RIN2: variants seen among roughly 807,000 people sequenced by gnomAD.
The protein encoded by RIN2 is RAB5 interacting protein 2.
Under a neutral mutation model 78.0 loss-of-function variants are expected in RIN2, and 36 were observed. The ratio of observed to expected loss-of-function variants is 0.46; its 90% CI spans 0.35 to 0.61. The LOEUF (loss-of-function observed/expected upper bound fraction) is 0.61, where lower values mean the gene tolerates loss of function less well. RIN2 is among the 20% of genes least tolerant of loss of function. RIN2 has a pLI of 0.00. For synonymous variants in RIN2, 466 were observed against 466.8 expected (o/e 1.00, Z 0.02); for missense variants, 1,087 against 1,159.7 (o/e 0.94, Z 0.91).
intron 1 of RIN2, among the ~76,000 whole-genome samples, chr20:19,788,439 A>AAAAAAAAAAAC (rs980089934): frequency 0.083 from 10,987 of 132,748 alleles, 604 homozygotes; most frequent in South Asian, 0.15. Context: ...TGCCAAAAAA[A>AAAAAAAAAAAC]AAAAAAAAAA....
intron 2 of RIN2, among the ~76,000 whole-genome samples, chr20:19,813,050 C>A (rs867187358): frequency 6.6e-6 from 1 of 152,176 alleles, no homozygotes; most frequent in Non-Finnish European, 1.5e-5. Context: ...ATTCACCACC[C>A]CTGCAGGAAG....
chr20:19,934,723 G>A (rs1220183959), intron 3 of RIN2: 2 of 554,806 alleles, frequency 3.6e-6, no homozygotes, highest in Admixed American at 6.4e-5. Context: ...GGTTTCCCTT[G>A]CCAAATGAAT....
intron 3 of RIN2, among the ~76,000 whole-genome samples, chr20:19,906,393 G>A (rs1047830560): frequency 6.6e-6 from 1 of 152,198 alleles, no homozygotes; most frequent in Non-Finnish European, 1.5e-5. Flanking sequence ...AGGCTGTAGT[G>A]AGCTATAATC....
intron 4 of RIN2, among the ~76,000 whole-genome samples, chr20:19,954,433 G>T (rs1168632108): frequency 6.6e-6 from 1 of 152,138 alleles, no homozygotes; most frequent in Non-Finnish European, 1.5e-5. Context: ...CCTGCTCCTT[G>T]AGAGCCAGGT....
At chr20:19,855,864 A>G (rs975464586) in intron 2 of RIN2, among the ~76,000 whole-genome samples, 7 of 152,174 alleles carry the variant, frequency 4.6e-5, no homozygotes, top group African/African-American at 1.7e-4. Context: ...TCACAAGGTC[A>G]GGAGTTCGAG....
intron 4 of RIN2, among the ~76,000 whole-genome samples, chr20:19,954,298 A>G (rs1334423160): frequency 1.3e-5 from 2 of 152,180 alleles, no homozygotes. Flanking sequence ...TATCTAGTTC[A>G]CACAGTTGAG....
intron 2 of RIN2, among the ~76,000 whole-genome samples, chr20:19,867,017 T>G (rs1291614695): frequency 6.6e-6 from 1 of 152,222 alleles, no homozygotes; most frequent in Non-Finnish European, 1.5e-5. Context: ...TATTTTTTTT[T>G]TTGTTTAATG....
chr20:19,989,626 C>T (rs546671950), intron 9 of RIN2, among the ~76,000 whole-genome samples: 2 of 152,270 alleles, frequency 1.3e-5, no homozygotes, highest in South Asian at 4.1e-4. Flanking sequence ...GAAAATCCTT[C>T]CTTTAAGATA....
intron 3 of RIN2, among the ~76,000 whole-genome samples, chr20:19,917,374 T>C (rs2039729067): frequency 6.6e-6 from 1 of 152,246 alleles, no homozygotes. Flanking sequence ...CTTGTCTGAT[T>C]GCTCTGCTGC....
intron 2 of RIN2, chr20:19,889,029 G>C: frequency 1.5e-6 from 1 of 660,186 alleles, no homozygotes; most frequent in Non-Finnish European, 1.9e-6. Context: ...ACAGTGACAG[G>C]ATTTTATCCA....
intron 1 of RIN2, among the ~76,000 whole-genome samples, chr20:19,797,541 C>T (rs1398236241): frequency 2.0e-5 from 3 of 152,158 alleles, no homozygotes; most frequent in African/African-American, 7.2e-5. Flanking sequence ...GAAGCTCACC[C>T]TGAATACAGT....
chr20:19,969,648 C>T (rs1487054383), intron 7 of RIN2, among the ~76,000 whole-genome samples: 1 of 152,156 alleles, frequency 6.6e-6, no homozygotes, highest in East Asian at 1.9e-4. Context: ...CAGGAACTTC[C>T]GTCTGTTTCG....
At chr20:19,855,688 T>C (rs992648744) in intron 2 of RIN2, among the ~76,000 whole-genome samples, 1 of 152,144 alleles carries the variant, frequency 6.6e-6, no homozygotes, top group Non-Finnish European at 1.5e-5. Flanking sequence ...TATGAGTCTT[T>C]CACTGACCTC....
chr20:19,761,016 A>G (rs1277076233), intron 1 of RIN2, among the ~76,000 whole-genome samples: 2 of 152,206 alleles, frequency 1.3e-5, no homozygotes, highest in Non-Finnish European at 2.9e-5. Context: ...TGTTGAATGA[A>G]TGAATGAACA....
chr20:19,865,784 G>A (rs2037487935), intron 2 of RIN2, among the ~76,000 whole-genome samples: 2 of 152,078 alleles, frequency 1.3e-5, no homozygotes, highest in Admixed American at 6.5e-5. Flanking sequence ...GAGCCACCAT[G>A]CCTGACCAAA....
intron 1 of RIN2, among the ~76,000 whole-genome samples, chr20:19,796,437 C>T (rs1243902668): frequency 2.0e-5 from 3 of 152,082 alleles, no homozygotes; most frequent in Admixed American, 6.5e-5. Context: ...GTATATCCAG[C>T]GTTGTTTTAA....
chr20:19,821,312 A>G (rs2035919663), intron 2 of RIN2, among the ~76,000 whole-genome samples: 1 of 151,956 alleles, frequency 6.6e-6, no homozygotes, highest in South Asian at 2.1e-4. Context: ...ACCACTATCC[A>G]CTCAAGTTTC....
chr20:19,864,546 T>C (rs911342021), intron 2 of RIN2, among the ~76,000 whole-genome samples: 1 of 152,190 alleles, frequency 6.6e-6, no homozygotes, highest in Non-Finnish European at 1.5e-5. Context: ...CCAAATTATT[T>C]GGTTCCAATA....
At chr20:19,851,042 GAAGGAAGGAGAAAGAA>G (rs1396279226) in intron 2 of RIN2, among the ~76,000 whole-genome samples, 1 of 74,394 alleles carries the variant, frequency 1.3e-5, no homozygotes, top group African/African-American at 4.7e-5. Flanking sequence ...AGGAAGGAAG[GAAGGAAGGAGAAAGAA>G]AGGAAGGAAG....
Sources: allele counts gnomAD v4.1 joint callset (sites outside exome capture counted in the v4.1 genomes callset), GRCh38; gene constraint gnomAD v4.1.1; transcripts MANE v1.5; gene names NCBI Gene and HGNC (gene_info 2026-07-23, HGNC 2026-07-21).